ELAPOR2: variants seen among roughly 807,000 people sequenced by gnomAD.
ELAPOR2 encodes endosome-lysosome associated apoptosis and autophagy regulator family member 2.
A neutral mutation model predicts 120.7 loss-of-function variants in ELAPOR2; 89 were observed. The ratio of observed to expected loss-of-function variants is 0.74; its 90% CI spans 0.62 to 0.88. The LOEUF (loss-of-function observed/expected upper bound fraction) is 0.88, where lower values mean the gene tolerates loss of function less well. ELAPOR2 is among the 40% of genes least tolerant of loss of function. The probability of loss-of-function intolerance (pLI) is 0.00; values close to 1 mark genes in which losing one functional copy is unlikely to be tolerated. For synonymous variants in ELAPOR2, 444 were observed against 444.9 expected (o/e 1.00, Z 0.03); for missense variants, 1,134 against 1,251.6 (o/e 0.91, Z 1.42).
At chr7:86,965,105 C>CT in intron 1 of ELAPOR2, 81 bp from the exon 2 acceptor site, 1 of 1,452,436 alleles carries the variant, frequency 6.9e-7, no homozygotes, top group Non-Finnish European at 9.4e-7. Flanking sequence ...CCCCAAGCCC[C>CT]TGTTTCCAAG....
At chr7:86,974,502 T>C (rs574630720) in intron 1 of ELAPOR2, among the ~76,000 whole-genome samples, 2 of 151,966 alleles carry the variant, frequency 1.3e-5, no homozygotes, top group Non-Finnish European at 2.9e-5. Flanking sequence ...AATACAAAGG[T>C]ATATTTAATA....
At chr7:86,921,162 T>C (rs1789812440) in intron 10 of ELAPOR2, among the ~76,000 whole-genome samples, 1 of 152,094 alleles carries the variant, frequency 6.6e-6, no homozygotes, top group Non-Finnish European at 1.5e-5. Context: ...AGAACACTTG[T>C]TGTTATGCAT....
chr7:86,955,509 G>C (rs1791435316), intron 2 of ELAPOR2, among the ~76,000 whole-genome samples: 1 of 151,982 alleles, frequency 6.6e-6, no homozygotes, highest in Non-Finnish European at 1.5e-5. Context: ...GAGAAAGGAA[G>C]GTAACACTGT....
intron 15 of ELAPOR2, among the ~76,000 whole-genome samples, chr7:86,910,701 G>A (rs1307075709): frequency 2.6e-5 from 4 of 152,150 alleles, no homozygotes; most frequent in African/African-American, 4.8e-5. Context: ...TAAATTTACT[G>A]TAGTCCTACT....
At chr7:86,972,564 G>A (rs1177648207) in intron 1 of ELAPOR2, among the ~76,000 whole-genome samples, 1 of 149,356 alleles carries the variant, frequency 6.7e-6, no homozygotes, top group Non-Finnish European at 1.5e-5. Flanking sequence ...GGAGGTTACA[G>A]ATTCAGGGAC....
Position 86,914,725 on chromosome 7 carries a change from C to G in ELAPOR2, c.1729G>C (p.Asp577His). 1 of 1,605,950 alleles carries G rather than the reference C, an allele frequency of 6.2e-7. No individual in the cohort carries two copies. Among genetic ancestry groups the G allele is most frequent in the South Asian group, 1.1e-5 (1 of 89,124 alleles). The change falls in exon 13 of 22, where the codon GAT becomes CAT. Residue 577 changes from aspartate to histidine, a missense_variant and splice_region_variant. Physicochemically the swap from Asp to His is moderately conservative, Grantham distance 81. Coordinates refer to ENST00000450689, the MANE Select transcript of ELAPOR2 (RefSeq NM_001142749.3). ...AAAAAAAAGTGCTTGGAACTTACAT[C>G]TTGACCCTGATTAGTTCTCTGGAAT... ...WAFQRTNQGQ[D>H]NRRFINDMVK...
At chr7:87,051,162 GAA>G (rs1211924639) in intron 1 of ELAPOR2, among the ~76,000 whole-genome samples, 1 of 152,140 alleles carries the variant, frequency 6.6e-6, no homozygotes, top group East Asian at 1.9e-4. Flanking sequence ...AAGGATGACA[GAA>G]AAGACAGGAG....
chr7:86,994,832 C>A (rs754690871), intron 1 of ELAPOR2, among the ~76,000 whole-genome samples: 3 of 152,104 alleles, frequency 2.0e-5, no homozygotes, highest in Non-Finnish European at 2.9e-5. Context: ...AGAGACAGGG[C>A]TACACTTCCT....
chr7:87,059,627 C>T lies in ELAPOR2; in HGVS notation c.-114G>A. 3.8e-6 allele frequency: 4 copies of T among 1,066,098 alleles called. No individual in the cohort carries two copies. Among genetic ancestry groups the T allele is most frequent in the Non-Finnish European group, 2.3e-6 (2 of 875,660 alleles). 66.0% of individuals were successfully genotyped at this position (1,066,098 alleles called of 1,614,324 possible). A position where few individuals can be genotyped will look rare whatever the true frequency, so the allele number is the denominator to read the frequency against. Reference sequence around the variant, plus strand: ...GCGCTCGTCTCGCCGCTCCGTCACCCGCTGCCCGTCCGCCCGCTGACAGCT... The same window carrying T: ...GCGCTCGTCTCGCCGCTCCGTCACCTGCTGCCCGTCCGCCCGCTGACAGCT... On this transcript the variant is annotated 5_prime_UTR_variant, in exon 1 of 22. Coordinates refer to ENST00000450689, the MANE Select transcript of ELAPOR2 (RefSeq NM_001142749.3).
chr7:86,912,394 C>G, intron 14 of ELAPOR2, 149 bp from the exon 15 acceptor site: 1 of 452,438 alleles, frequency 2.2e-6, no homozygotes. Flanking sequence ...TAAAGAATTT[C>G]TAAACTCTAA....
At chr7:87,005,898 A>G (rs963652459) in intron 1 of ELAPOR2, among the ~76,000 whole-genome samples, 13 of 152,306 alleles carry the variant, frequency 8.5e-5, no homozygotes, top group Admixed American at 7.2e-4. Context: ...AATAATTATA[A>G]AAGAAGAAAG....
chr7:86,985,164 G>C (rs1792673616), intron 1 of ELAPOR2, among the ~76,000 whole-genome samples: 1 of 152,250 alleles, frequency 6.6e-6, no homozygotes, highest in South Asian at 2.1e-4. Context: ...TCTCTGAATA[G>C]ACCAATAACA....
At position 86,877,715 on chromosome 7, in the gene ELAPOR2, C is replaced by G. The variant is rs1799221681; in HGVS notation, c.*2756G>C. ...ATGACCCACCTGGGGACCTGGAGAC[C>G]CCAGATGCTAAAGACTGGACCCAAG... is the stretch of plus-strand genomic sequence containing the variant. On this transcript the variant is annotated 3_prime_UTR_variant, in exon 22 of 22. Transcript: ENST00000450689. The G allele has an allele frequency of 6.6e-6, 1 of 152,052 alleles. No individual in the cohort carries two copies. The allele number at this position is 152,052 out of a possible 1,614,324, so 9.4% of individuals were successfully genotyped here.
chr7:86,952,108 A>G (rs974971985), intron 2 of ELAPOR2, among the ~76,000 whole-genome samples: 1 of 152,234 alleles, frequency 6.6e-6, no homozygotes, highest in Admixed American at 6.5e-5. Context: ...TCATTCATGT[A>G]GTTGGGTGAC....
intron 3 of ELAPOR2, among the ~76,000 whole-genome samples, 174 bp from the exon 4 acceptor site, chr7:86,945,220 T>A (rs1363217840): frequency 6.6e-6 from 1 of 152,206 alleles, no homozygotes; most frequent in African/African-American, 2.4e-5. Context: ...GTCCATTTCT[T>A]ATGGCAAATA....
intron 1 of ELAPOR2, among the ~76,000 whole-genome samples, chr7:87,045,592 A>T (rs1242087187): frequency 7.8e-6 from 1 of 128,086 alleles, no homozygotes; most frequent in Admixed American, 9.8e-5. Flanking sequence ...GGAATATCAC[A>T]CTCTGGGGGC....
chr7:86,999,789 C>G (rs1386313377), intron 1 of ELAPOR2, among the ~76,000 whole-genome samples: 2 of 152,120 alleles, frequency 1.3e-5, no homozygotes, highest in Non-Finnish European at 2.9e-5. Context: ...CATGTGAACT[C>G]ATCTGTGGCT....
intron 1 of ELAPOR2, among the ~76,000 whole-genome samples, chr7:87,022,342 G>T (rs148149280): frequency 2.0e-5 from 3 of 149,036 alleles, no homozygotes; most frequent in South Asian, 4.2e-4. Flanking sequence ...TGGTTTTATT[G>T]TCCTTGCGAT....
At chr7:86,949,552 C>G (rs1791150103) in intron 2 of ELAPOR2, among the ~76,000 whole-genome samples, 1 of 152,282 alleles carries the variant, frequency 6.6e-6, no homozygotes, top group African/African-American at 2.4e-5. Context: ...CTGAGCACAG[C>G]TGCAGCTACC....
Sources: allele counts gnomAD v4.1 joint callset (sites outside exome capture counted in the v4.1 genomes callset), GRCh38; gene constraint gnomAD v4.1.1; transcripts MANE v1.5; gene names NCBI Gene and HGNC (gene_info 2026-07-23, HGNC 2026-07-21).